Variants in TOPBP1 observed in about 807,000 individuals in gnomAD.
TOPBP1 encodes the protein DNA topoisomerase II binding protein 1.
Under a neutral mutation model 167.7 loss-of-function variants are expected in TOPBP1, and 28 were observed. The observed-to-expected ratio is 0.17, with a 90% CI of 0.12 to 0.23. The LOEUF (loss-of-function observed/expected upper bound fraction) is 0.23. Among genes scored for constraint, TOPBP1 ranks in the 10% least tolerant of loss-of-function variants. The pLI is 1.00. For missense variants in TOPBP1, 1,554 were observed against 1,809.6 expected (o/e 0.86, Z 2.56); for synonymous variants, 598 against 611.4 (o/e 0.98, Z 0.32).
Position 133,600,995 on chromosome 3 carries a change from C to T in TOPBP1, c.*255G>A, listed in dbSNP as rs1934271513. ...AAAATAAATATCTTTTAACAGACTT[C>T]AATGTGGTTTAACAGCAAGCTAGCT... is the stretch of plus-strand genomic sequence containing the variant. On this transcript the variant is annotated 3_prime_UTR_variant, in exon 28 of 28. Coordinates refer to ENST00000260810, the MANE Select transcript of TOPBP1 (RefSeq NM_007027.4). 3.8e-6 allele frequency: 1 copy of T among 260,086 alleles called. No individual in the cohort carries two copies. The highest frequency in any genetic ancestry group is 7.3e-5 in the South Asian group (1 of 13,668). 16.1% of individuals were successfully genotyped at this position (260,086 alleles called of 1,614,324 possible).
intron 10 of TOPBP1, among the ~76,000 whole-genome samples, chr3:133,646,999 A>G (rs1402746374): frequency 3.3e-5 from 5 of 152,218 alleles, no homozygotes; most frequent in Non-Finnish European, 7.3e-5. Flanking sequence ...AGACCCTTGG[A>G]ATGTAAAGGT....
intron 16 of TOPBP1, among the ~76,000 whole-genome samples, chr3:133,627,378 A>C (rs1935302479): frequency 6.6e-6 from 1 of 152,204 alleles, no homozygotes; most frequent in Non-Finnish European, 1.5e-5. Flanking sequence ...AAACGAGATA[A>C]TGCTCAGCAA....
intron 2 of TOPBP1, among the ~76,000 whole-genome samples, chr3:133,660,194 T>A (rs1299522686): frequency 6.6e-6 from 1 of 152,194 alleles, no homozygotes; most frequent in African/African-American, 2.4e-5. Context: ...TTACTCAATA[T>A]CTTTTTCTTC....
At position 133,620,346 on chromosome 3, in the gene TOPBP1, A is replaced by G; in HGVS notation, c.3180T>C (p.Val1060=). 1 of 1,612,128 alleles carries G rather than the reference A, an allele frequency of 6.2e-7. No individual in the cohort carries two copies. The highest frequency in any genetic ancestry group is 8.5e-7 in the Non-Finnish European group (1 of 1,179,294). ...NGSGKNDSKG[V]LTQTLEMREN... is the part of the protein sequence containing the mutation. The stretch of plus-strand genomic sequence containing the variant: ...CTCTCATCTCTAAGGTCTGTGTCAG[A>G]ACTTGAAACAAACACAAATACACCA... The change falls in exon 20 of 28, where the codon GTT becomes GTC. Residue 1060 remains valine (V), a splice_region_variant and synonymous_variant. Transcript: ENST00000260810.
chr3:133,605,812 C>A (rs529678740), intron 27 of TOPBP1, among the ~76,000 whole-genome samples: 2 of 152,292 alleles, frequency 1.3e-5, no homozygotes, highest in African/African-American at 4.8e-5. Context: ...GGAAAATCTA[C>A]AAATCTCTTT....
intron 5 of TOPBP1, among the ~76,000 whole-genome samples, chr3:133,656,206 T>G (rs1423883005): frequency 6.6e-6 from 1 of 151,930 alleles, no homozygotes; most frequent in Admixed American, 6.6e-5. Flanking sequence ...ATACGTAAAA[T>G]GGGCTCAATT....
At chr3:133,621,814 A>G (rs1390818256) in intron 19 of TOPBP1, among the ~76,000 whole-genome samples, 2 of 146,172 alleles carry the variant, frequency 1.4e-5, no homozygotes, top group Non-Finnish European at 2.9e-5. Flanking sequence ...TAAGGAAAAC[A>G]GAACATATTA....
Position 133,657,899 on chromosome 3 carries a change from T to C in TOPBP1, c.262A>G (p.Met88Val). The C allele has an allele frequency of 1.9e-6, 3 of 1,596,454 alleles. No homozygotes were observed. The highest frequency in any genetic ancestry group is 2.6e-6 in the Non-Finnish European group (3 of 1,173,618). The change falls in exon 4 of 28, where the codon ATG (methionine) becomes GTG (valine). Residue 88 changes from methionine (M) to valine (V), a missense_variant. Physicochemically the swap from Met to Val is conservative, Grantham distance 21 (BLOSUM62 1). Transcript: ENST00000260810. ...IVGPQVVIFC[M>V]HHQRCVPRAE... is the part of the protein sequence containing the mutation. ...CTTGGGACACATCGCTGGTGGTGCA[T>C]ACAAAATATGACTACTTGAGGACCA...
chr3:133,644,765 G>A (rs1311402060), intron 10 of TOPBP1, among the ~76,000 whole-genome samples: 1 of 152,154 alleles, frequency 6.6e-6, no homozygotes, highest in Admixed American at 6.5e-5. Flanking sequence ...CATGGAACAT[G>A]TTAACATGGA....
intron 3 of TOPBP1, 139 bp downstream of exon 3, chr3:133,658,877 T>G (rs1576318613): frequency 1.1e-6 from 1 of 904,706 alleles, no homozygotes; most frequent in East Asian, 3.1e-5. Context: ...CTTTCAATCC[T>G]GGTCTTGCCA....
intron 14 of TOPBP1, among the ~76,000 whole-genome samples, chr3:133,632,231 C>T (rs1297709727): frequency 6.6e-6 from 1 of 151,596 alleles, no homozygotes; most frequent in Non-Finnish European, 1.5e-5. Context: ...ACAGTGAAAC[C>T]CCGTCTCTAC....
At chr3:133,659,694 A>G in intron 2 of TOPBP1, among the ~76,000 whole-genome samples, 1 of 152,152 alleles carries the variant, frequency 6.6e-6, no homozygotes, top group East Asian at 1.9e-4. Context: ...AGAGATGCCC[A>G]TCCTAATCAG....
Position 133,620,142 on chromosome 3 carries a change from G to T in TOPBP1, c.3371+13C>A. Reference sequence around the variant, plus strand: ...GTCATCTAGTCTTTCTGCCATCAGTGACAGGTACACACCTCAGTGCCTCTA... The same window carrying T: ...GTCATCTAGTCTTTCTGCCATCAGTTACAGGTACACACCTCAGTGCCTCTA... On this transcript the variant is annotated intron_variant, in intron 20 of 27. Transcript: ENST00000260810. 2 of 1,591,162 alleles carry T rather than the reference G, an allele frequency of 1.3e-6. No homozygotes were observed. Among genetic ancestry groups the T allele is most frequent in the South Asian group, 2.3e-5 (2 of 87,832 alleles).
At chr3:133,659,689 T>C (rs1275324545) in intron 2 of TOPBP1, among the ~76,000 whole-genome samples, 1 of 152,198 alleles carries the variant, frequency 6.6e-6, no homozygotes, top group African/African-American at 2.4e-5. Flanking sequence ...TCCCCAGAGA[T>C]GCCCATCCTA....
rs768091109 is a variant in TOPBP1 at position 133,649,921 on chromosome 3, C to A, written c.1112G>T (p.Gly371Val). 10 of 1,597,078 alleles carry A rather than the reference C, an allele frequency of 6.3e-6. No homozygotes were observed. Among genetic ancestry groups the A allele is most frequent in the Non-Finnish European group, 8.5e-6 (10 of 1,174,352 alleles). ...GCRIYLCGFSGRKLDKLRRLI... is the reference protein window; with the variant it reads ...GCRIYLCGFSVRKLDKLRRLI... ...TCTTCTCAGTTTATCTAGCTTTCTG[C>A]CACTAAAACCGCAAAGATATATCTG... Residue 371 changes from glycine (G) to valine (V), a missense_variant, in exon 9 of 28, where the codon GGC (glycine) becomes GTC (valine). By Grantham distance (109) the Gly-to-Val change is moderately radical. Coordinates refer to ENST00000260810, the MANE Select transcript of TOPBP1 (RefSeq NM_007027.4).
chr3:133,619,319 A>G (rs1576287802), intron 20 of TOPBP1, among the ~76,000 whole-genome samples: 1 of 152,174 alleles, frequency 6.6e-6, no homozygotes, highest in East Asian at 1.9e-4. Flanking sequence ...TTAAAAAGCT[A>G]CTTTACTCAG....
At chr3:133,647,260 GGGTATAAATTCATATAGCT>G (rs1378013926) in intron 10 of TOPBP1, among the ~76,000 whole-genome samples, 1 of 152,172 alleles carries the variant, frequency 6.6e-6, no homozygotes, top group Non-Finnish European at 1.5e-5. Flanking sequence ...AAGTAGGTTT[GGGTATAAATTCATATAGCT>G]GGAGGTCTAA....
intron 23 of TOPBP1, among the ~76,000 whole-genome samples, chr3:133,615,608 C>T (rs920730792): frequency 6.6e-6 from 1 of 152,142 alleles, no homozygotes; most frequent in South Asian, 2.1e-4. Flanking sequence ...AGCCACTAGA[C>T]ATCTGTGGCT....
intron 12 of TOPBP1, 92 bp downstream of exon 12, chr3:133,643,108 C>A (rs538979666): frequency 1.6e-6 from 2 of 1,288,212 alleles, no homozygotes; most frequent in South Asian, 3.8e-5. Context: ...AATAAAGACA[C>A]CCAACCAAAT....
Sources: gnomAD v4.1 joint callset for allele counts (sites outside exome capture counted in the v4.1 genomes callset) on GRCh38, gnomAD v4.1.1 for gene constraint, MANE v1.5 for transcripts, NCBI Gene and HGNC (gene_info 2026-07-23, HGNC 2026-07-21) for gene names.